Variants in DENND10 observed in about 807,000 individuals in gnomAD.
DENND10 encodes DENN domain containing 10.
DENND10 carries 24 observed loss-of-function variants against 43.6 expected under a neutral mutation model. The ratio of observed to expected loss-of-function variants is 0.55; its 90% CI spans 0.40 to 0.77. DENND10 has a LOEUF of 0.77. Ranked by LOEUF, DENND10 falls within the 30% of genes least tolerant of loss-of-function variation. DENND10 has a pLI of 0.00. For synonymous variants in DENND10, 125 were observed against 157.6 expected, an observed-to-expected ratio of 0.79 and a Z score of 1.55; for missense variants, 303 against 429.9, an observed-to-expected ratio of 0.70 and a Z score of 2.61.
chr10:119,109,807 T>G (rs1844892616), intron 2 of DENND10, among the ~76,000 whole-genome samples: 1 of 151,648 alleles, frequency 6.6e-6, no homozygotes, highest in African/African-American at 2.4e-5. Flanking sequence ...TTTTTTTAAC[T>G]TCAATTTTTA....
At chr10:119,115,405 T>TTTTTTTTTTTTTTG (rs869213007) in intron 3 of DENND10, among the ~76,000 whole-genome samples, 1 of 91,638 alleles carries the variant, frequency 1.1e-5, no homozygotes. Context: ...TTTTTTTTTT[T>TTTTTTTTTTTTTTG]GAGACGGAGT....
At chr10:119,109,067 T>G (rs1844841723) in intron 2 of DENND10, among the ~76,000 whole-genome samples, 1 of 151,570 alleles carries the variant, frequency 6.6e-6, no homozygotes, top group Non-Finnish European at 1.5e-5. Flanking sequence ...ATACAAAAAA[T>G]TAGCCGGGCG....
At chr10:119,109,617 A>G (rs141742775) in intron 2 of DENND10, among the ~76,000 whole-genome samples, 1 of 151,872 alleles carries the variant, frequency 6.6e-6, no homozygotes, top group Non-Finnish European at 1.5e-5. Context: ...ATTTGCAAGA[A>G]GATACTTTTT....
intron 1 of DENND10, among the ~76,000 whole-genome samples, chr10:119,104,552 C>CGGGCG (rs1564774019): frequency 6.8e-6 from 1 of 146,844 alleles, no homozygotes; most frequent in Non-Finnish European, 1.5e-5. Context: ...GGGCGCTGCG[C>CGGGCG]GGGCGGGGCC....
At chr10:119,107,768 A>G (rs1844767383) in intron 1 of DENND10, among the ~76,000 whole-genome samples, 200 bp from the exon 2 acceptor site, 1 of 152,190 alleles carries the variant, frequency 6.6e-6, no homozygotes, top group Admixed American at 6.6e-5. Flanking sequence ...CTTTTTACTC[A>G]GGTGGCCTGT....
intron 8 of DENND10, chr10:119,135,278 C>G (rs1211268110): frequency 1.3e-5 from 2 of 152,162 alleles, no homozygotes; most frequent in South Asian, 2.1e-4. Context: ...ACCAAAACGT[C>G]ATTATGTGGT....
In DENND10 at chr10:119,118,010, C is replaced by T. The variant is rs190783245; in HGVS notation, c.481+343C>T. The stretch of plus-strand genomic sequence containing the variant: ...AAAAAAAGAAGGTAAAAACAAAACC[C>T]TTCCAACAACAAAATCCCCAAGCCA... On this transcript the variant is annotated intron_variant, in intron 4 of 8. Coordinates refer to ENST00000361432, the MANE Select transcript of DENND10 (RefSeq NM_207009.4). Among the ~76,000 whole-genome samples the T allele has an allele frequency of 5.0e-3, 760 of 152,152 alleles. 7 individuals are homozygous for T. Among genetic ancestry groups the T allele is most frequent in the African/African-American group, 0.017 (714 of 41,540 alleles).
chr10:119,105,092 A>G (rs1296951750), intron 1 of DENND10: 1 of 152,194 alleles, frequency 6.6e-6, no homozygotes, highest in Non-Finnish European at 1.5e-5. Flanking sequence ...TATTTAGGGG[A>G]TGGAACCCGT....
intron 6 of DENND10, among the ~76,000 whole-genome samples, chr10:119,129,010 A>T (rs1589743735): frequency 1.3e-5 from 2 of 149,018 alleles, no homozygotes; most frequent in Non-Finnish European, 3.0e-5. Flanking sequence ...TCCTCAAATA[A>T]TTTTTTTTTT....
At chr10:119,134,058 T>C (rs1289544953) in intron 8 of DENND10, 1 of 151,836 alleles carries the variant, frequency 6.6e-6, no homozygotes, top group Non-Finnish European at 1.5e-5. Flanking sequence ...TTTCCCTTTT[T>C]TGAGTTTCAC....
At chr10:119,104,429 G>C (rs1243447091) in intron 1 of DENND10, among the ~76,000 whole-genome samples, 1 of 151,184 alleles carries the variant, frequency 6.6e-6, no homozygotes, top group Non-Finnish European at 1.5e-5. Flanking sequence ...GGGCCTGCCC[G>C]GCCCGAGGGA....
At chr10:119,115,198 A>ACCT (rs1845190184) in intron 3 of DENND10, among the ~76,000 whole-genome samples, 1 of 151,728 alleles carries the variant, frequency 6.6e-6, no homozygotes, top group Admixed American at 6.6e-5. Context: ...CTCCAGTTCT[A>ACCT]CCTCCTGATC....
At chr10:119,116,261 T>C (rs1330504982) in intron 3 of DENND10, among the ~76,000 whole-genome samples, 1 of 152,228 alleles carries the variant, frequency 6.6e-6, no homozygotes, top group Non-Finnish European at 1.5e-5. Context: ...CAGCATTTTC[T>C]AGAAGCTTTA....
intron 8 of DENND10, among the ~76,000 whole-genome samples, chr10:119,135,804 A>AAAAAAAAAAAAC (rs1846316337): frequency 1.3e-5 from 2 of 149,762 alleles, no homozygotes; most frequent in African/African-American, 4.9e-5. Flanking sequence ...AAAAAAAAAA[A>AAAAAAAAAAAAC]AAAAAAAAAA....
At chr10:119,135,163 C>CAAAAAA (rs61460927) in intron 8 of DENND10, 3 of 132,626 alleles carry the variant, frequency 2.3e-5, no homozygotes, top group Non-Finnish European at 4.9e-5. Flanking sequence ...AAAACTGTCT[C>CAAAAAA]AAAAAAAAAA....
chr10:119,105,555 TA>T, intron 1 of DENND10: 2 of 1,118,424 alleles, frequency 1.8e-6, no homozygotes, highest in Non-Finnish European at 2.3e-6. Flanking sequence ...AAAACCTAAG[TA>T]ACTTAGTTTC....
chr10:119,119,761 A>G (rs1247787573), intron 4 of DENND10, among the ~76,000 whole-genome samples: 1 of 151,324 alleles, frequency 6.6e-6, no homozygotes, highest in African/African-American at 2.4e-5. Flanking sequence ...TTAATGATAC[A>G]GAAAGATGCT....
intron 7 of DENND10, 137 bp downstream of exon 7, chr10:119,129,759 A>G (rs914141891): frequency 6.2e-6 from 4 of 648,582 alleles, no homozygotes; most frequent in Non-Finnish European, 1.1e-5. Context: ...TCTAGAACAC[A>G]ACATTTATTC....
At position 119,129,600 on chromosome 10, in the gene DENND10, T is replaced by C. The variant is rs1421150707; in HGVS notation, c.780T>C (p.Ile260=). The C allele has an allele frequency of 6.2e-7, 1 of 1,610,260 alleles. No homozygotes were observed. Among genetic ancestry groups the C allele is most frequent in the African/African-American group, 1.3e-5 (1 of 74,852 alleles). ...DVFVNLAESE[I]TIAPLAKEAM... is the part of the protein sequence containing the mutation. The stretch of plus-strand genomic sequence containing the variant: ...TTGTGAATCTGGCAGAGAGTGAGAT[T>C]ACCATTGCTCCCCTTGCAAAAGGTT... Residue 260 remains isoleucine (I), a synonymous_variant, in exon 7 of 9, where the codon ATT becomes ATC. Transcript: ENST00000361432.
Sources: allele counts gnomAD v4.1 joint callset (sites outside exome capture counted in the v4.1 genomes callset), GRCh38; gene constraint gnomAD v4.1.1; transcripts MANE v1.5; gene names NCBI Gene and HGNC (gene_info 2026-07-23, HGNC 2026-07-21).